The following EPN2 variants were observed in gnomAD, a reference collection of about 807,000 sequenced individuals.
EPN2 encodes the protein epsin 2, also known as epsin-2.
A neutral mutation model predicts 61.7 loss-of-function variants in EPN2; 34 were observed. That is an observed-to-expected ratio of 0.55 (90% confidence interval 0.42 to 0.73). The LOEUF (loss-of-function observed/expected upper bound fraction) is 0.73. EPN2 is among the 30% of genes least tolerant of loss of function. EPN2 has a pLI of 0.00. For missense variants in EPN2, 714 were observed against 839.2 expected (o/e 0.85, Z 1.84); for synonymous variants, 349 against 353.6 (o/e 0.99, Z 0.15).
At chr17:19,295,233 C>G (rs1420532700) in intron 4 of EPN2, among the ~76,000 whole-genome samples, 2 of 152,150 alleles carry the variant, frequency 1.3e-5, no homozygotes, top group Non-Finnish European at 2.9e-5. Context: ...TCAGAACATA[C>G]TTCATGCATG....
At chr17:19,321,649 T>C (rs1906641415) in intron 7 of EPN2, among the ~76,000 whole-genome samples, 1 of 150,422 alleles carries the variant, frequency 6.6e-6, no homozygotes, top group South Asian at 2.1e-4. Flanking sequence ...AGCTGGGGAG[T>C]GAGATATTGT....
At chr17:19,261,030 T>G (rs1371652643) in intron 1 of EPN2, among the ~76,000 whole-genome samples, 1 of 152,216 alleles carries the variant, frequency 6.6e-6, no homozygotes, top group Non-Finnish European at 1.5e-5. Context: ...CCTGGCTGTT[T>G]CCAGCTTGTT....
chr17:19,322,782 T>C (rs898340924), intron 7 of EPN2, among the ~76,000 whole-genome samples: 3 of 150,536 alleles, frequency 2.0e-5, no homozygotes, highest in Non-Finnish European at 4.4e-5. Context: ...TGTGGCTTAA[T>C]AGGCCCTTAC....
chr17:19,247,436 A>C (rs535829569), intron 1 of EPN2, among the ~76,000 whole-genome samples: 15 of 152,242 alleles, frequency 9.9e-5, no homozygotes, highest in Non-Finnish European at 1.6e-4. Context: ...AAGTCAGGGA[A>C]GCTATCAGGA....
Position 19,309,915 on chromosome 17 carries a change from A to T in EPN2, c.797A>T (p.Glu266Val). 1 of 1,608,970 alleles carries T rather than the reference A, an allele frequency of 6.2e-7. No individual in the cohort carries two copies. The highest frequency in any genetic ancestry group is 1.1e-5 in the South Asian group (1 of 91,082). ...TCCCCGCGAGTGTCCTCCGAGCTGG[A>T]GCAAGCCCGGCCCCAGACTAGTGGA... ...ATSPRVSSEL[E>V]QARPQTSGEE... The change falls in exon 5 of 11, where the codon GAG becomes GTG. Residue 266 changes from glutamate (E) to valine (V), a missense_variant. By Grantham distance (121) the Glu-to-Val change is moderately radical. Coordinates refer to ENST00000314728, the MANE Select transcript of EPN2 (RefSeq NM_014964.5).
chr17:19,328,448 G>C lies in EPN2; in HGVS notation c.1148-263G>C, dbSNP rs370979976. Among the ~76,000 whole-genome samples, 6 of 152,236 alleles carry C rather than the reference G, an allele frequency of 3.9e-5. No individual in the cohort carries two copies. The East Asian group carries it at 5.8e-4, about 15-fold the overall frequency. ...GGGAGCTTGGAGAGAACCTCTTTCA[G>C]CTGCTTCCTCTGGTCATTACTAGAG... On this transcript the variant is annotated intron_variant, in intron 7 of 10. Transcript: ENST00000314728.
At chr17:19,295,341 T>TAC (rs761662309) in intron 4 of EPN2, among the ~76,000 whole-genome samples, 1,728 of 145,122 alleles carry the variant, frequency 0.012, 67 homozygotes, top group East Asian at 0.12. Context: ...CTATTAAAAA[T>TAC]ACACACACAC....
chr17:19,281,413 G>A (rs1052519594), intron 1 of EPN2, among the ~76,000 whole-genome samples: 39 of 152,220 alleles, frequency 2.6e-4, no homozygotes, highest in African/African-American at 7.7e-4. Context: ...TTTCACAATA[G>A]CAAACCCTTC....
chr17:19,310,623 G>A (rs557534277), intron 5 of EPN2, among the ~76,000 whole-genome samples: 7 of 118,436 alleles, frequency 5.9e-5, no homozygotes, highest in African/African-American at 1.7e-4. Context: ...TGTCACCCAG[G>A]CTGGAGTGCA....
intron 1 of EPN2, among the ~76,000 whole-genome samples, chr17:19,258,356 C>T (rs554374234): frequency 8.2e-4 from 125 of 152,242 alleles, no homozygotes; most frequent in African/African-American, 2.9e-3. Context: ...ACTAAGTGGT[C>T]GCCAGGTCCT....
intron 5 of EPN2, 95 bp from the exon 6 acceptor site, chr17:19,311,957 C>A (rs1906159471): frequency 2.5e-6 from 2 of 810,752 alleles, no homozygotes; most frequent in Non-Finnish European, 4.3e-6. Flanking sequence ...TGAAATACTG[C>A]ATCATACAAT....
intron 1 of EPN2, among the ~76,000 whole-genome samples, chr17:19,264,001 A>C (rs1393401330): frequency 1.3e-5 from 2 of 152,104 alleles, no homozygotes; most frequent in Non-Finnish European, 2.9e-5. Context: ...CAAGTTTCTA[A>C]AGTAGAGCGA....
Position 19,279,580 on chromosome 17 carries a change from A to G in EPN2, c.-293-2375A>G, listed in dbSNP as rs1488476249. On this transcript the variant is annotated intron_variant, in intron 1 of 10. Coordinates refer to ENST00000314728, the MANE Select transcript of EPN2 (RefSeq NM_014964.5). ...CAGCCTCCCAAGTAGCTGGGACTAC[A>G]GGCGCCCGCCACTATGCCTGGCTAA... 2.0e-5 allele frequency among the ~76,000 whole-genome samples: 3 copies of G among 150,830 alleles called. 1 individual carries two copies. The highest frequency in any genetic ancestry group is 6.9e-3 in the Middle Eastern group (2 of 290).
At chr17:19,307,258 T>A (rs1015141814) in intron 4 of EPN2, among the ~76,000 whole-genome samples, 1 of 152,156 alleles carries the variant, frequency 6.6e-6, no homozygotes, top group Non-Finnish European at 1.5e-5. Context: ...AACACTAGGA[T>A]GGGATTTGAC....
At chr17:19,254,197 A>G (rs894316399) in intron 1 of EPN2, among the ~76,000 whole-genome samples, 1 of 151,572 alleles carries the variant, frequency 6.6e-6, no homozygotes, top group African/African-American at 2.4e-5. Context: ...GAGGGAGGGA[A>G]GGAAAGGAAG....
Position 19,309,191 on chromosome 17 carries a change from G to A in EPN2, c.767-694G>A, listed in dbSNP as rs147914415. Among the ~76,000 whole-genome samples the A allele has an allele frequency of 9.8e-3, 1,435 of 147,106 alleles. 9 individuals carry two copies. Among genetic ancestry groups the A allele is most frequent in the Middle Eastern group, 0.018 (5 of 272 alleles). ...CGGAGTCTCGCTCTGTCACTAGGCTGGAGTGCAGTGGCGAGATCTTGGCTC... is the reference window on the plus strand; with the variant it reads ...CGGAGTCTCGCTCTGTCACTAGGCTAGAGTGCAGTGGCGAGATCTTGGCTC... On this transcript the variant is annotated intron_variant, in intron 4 of 10. Coordinates refer to ENST00000314728, the MANE Select transcript of EPN2 (RefSeq NM_014964.5).
At chr17:19,237,722 C>T (rs946326914) in intron 1 of EPN2, among the ~76,000 whole-genome samples, 191 bp downstream of exon 1, 1 of 152,158 alleles carries the variant, frequency 6.6e-6, no homozygotes. Flanking sequence ...CCAACCAGGC[C>T]CCGCCCCACG....
At chr17:19,261,509 A>G (rs376926705) in intron 1 of EPN2, among the ~76,000 whole-genome samples, 4 of 152,306 alleles carry the variant, frequency 2.6e-5, no homozygotes, top group African/African-American at 9.6e-5. Context: ...TTTTCAGGCT[A>G]GGAATTATTC....
rs117678271 is a variant in EPN2, at chr17:19,237,923, C to T, written c.-294+392C>T. 6.5e-3 allele frequency among the ~76,000 whole-genome samples: 988 copies of T among 152,340 alleles called. 54 individuals are homozygous for T. The East Asian group carries it at 0.12, about 18-fold the overall frequency. The stretch of plus-strand genomic sequence containing the variant: ...GCCCCCTCCCCAGAGCACGTTCCTC[C>T]TCTCCCCGAGCCCGGCGCCCCTTCC... On this transcript the variant is annotated intron_variant, in intron 1 of 10. Coordinates refer to ENST00000314728, the MANE Select transcript of EPN2 (RefSeq NM_014964.5).
Sources: allele counts gnomAD v4.1 joint callset (sites outside exome capture counted in the v4.1 genomes callset), GRCh38; gene constraint gnomAD v4.1.1; transcripts MANE v1.5; gene names NCBI Gene and HGNC (gene_info 2026-07-23, HGNC 2026-07-21).